The following NRG3 variants were observed in gnomAD, a reference collection of about 807,000 sequenced individuals.
NRG3 encodes neuregulin 3.
In NRG3, 31 loss-of-function variants were observed where a neutral mutation model predicts 66.9. The observed-to-expected ratio is 0.46, with a 90% CI of 0.35 to 0.63. NRG3 has a LOEUF of 0.63. Ranked by LOEUF, NRG3 falls within the 20% of genes least tolerant of loss-of-function variation. The pLI is 0.00. For missense variants in NRG3, 910 were observed against 878.9 expected (o/e 1.04, Z -0.45); for synonymous variants, 393 against 359.4 (o/e 1.09, Z -1.06).
intron 2 of NRG3, among the ~76,000 whole-genome samples, chr10:82,585,205 C>T (rs1180107889): frequency 1.3e-5 from 2 of 151,592 alleles, no homozygotes; most frequent in African/African-American, 4.8e-5. Context: ...TCCAAATAAG[C>T]CTTTCTAATT....
chr10:82,548,521 TCTCACACACACACA>T (rs1376807773), intron 2 of NRG3, among the ~76,000 whole-genome samples: 1 of 108,398 alleles, frequency 9.2e-6, no homozygotes, highest in Non-Finnish European at 1.8e-5. Flanking sequence ...ACATTCTGTC[TCTCACACACACACA>T]CACACACACA....
chr10:82,011,821 T>A (rs968127714), intron 1 of NRG3, among the ~76,000 whole-genome samples: 4 of 152,318 alleles, frequency 2.6e-5, no homozygotes, highest in Admixed American at 1.3e-4. Flanking sequence ...TGCCGTGGTC[T>A]TGGGCGTCTC....
chr10:82,447,962 C>A (rs564607870), intron 2 of NRG3, among the ~76,000 whole-genome samples: 1 of 152,224 alleles, frequency 6.6e-6, no homozygotes, highest in South Asian at 2.1e-4. Flanking sequence ...TTCCGTTACG[C>A]CTTTTAAATG....
At chr10:82,518,344 A>T (rs980585594) in intron 2 of NRG3, among the ~76,000 whole-genome samples, 1 of 152,182 alleles carries the variant, frequency 6.6e-6, no homozygotes, top group Non-Finnish European at 1.5e-5. Context: ...GTTAAAATAC[A>T]TTCATCTACC....
At chr10:82,200,857 A>G (rs1349730286) in intron 1 of NRG3, among the ~76,000 whole-genome samples, 1 of 152,064 alleles carries the variant, frequency 6.6e-6, no homozygotes, top group South Asian at 2.1e-4. Flanking sequence ...AAAAAGGCAC[A>G]CCAACTTCAC....
intron 2 of NRG3, among the ~76,000 whole-genome samples, chr10:82,618,151 C>T (rs182123888): frequency 2.4e-4 from 37 of 152,262 alleles, no homozygotes; most frequent in Non-Finnish European, 3.4e-4. Context: ...AGTTTTATTA[C>T]GAGACTGAAA....
At chr10:82,703,635 T>C (rs1354517374) in intron 2 of NRG3, among the ~76,000 whole-genome samples, 1 of 152,172 alleles carries the variant, frequency 6.6e-6, no homozygotes, top group Non-Finnish European at 1.5e-5. Flanking sequence ...TAGAGGGTTT[T>C]ATTGTTAATT....
chr10:81,937,193 T>C (rs1394182545), intron 1 of NRG3, among the ~76,000 whole-genome samples: 1 of 152,186 alleles, frequency 6.6e-6, no homozygotes, highest in Non-Finnish European at 1.5e-5. Flanking sequence ...GACATTTAGG[T>C]TGCTTCCACC....
At chr10:82,616,881 A>G (rs1390910038) in intron 2 of NRG3, among the ~76,000 whole-genome samples, 3 of 152,148 alleles carry the variant, frequency 2.0e-5, no homozygotes, top group African/African-American at 2.4e-5. Context: ...TAAATAGATC[A>G]TTTTTCTCAA....
intron 1 of NRG3, among the ~76,000 whole-genome samples, chr10:81,961,564 G>C (rs908069758): frequency 2.0e-5 from 3 of 152,140 alleles, no homozygotes; most frequent in African/African-American, 7.2e-5. Context: ...TTCATTTCTA[G>C]AATCATACAG....
intron 1 of NRG3, among the ~76,000 whole-genome samples, chr10:81,952,247 TAA>T (rs1849434922): frequency 6.6e-6 from 1 of 152,232 alleles, no homozygotes; most frequent in East Asian, 1.9e-4. Context: ...ATAATAATAA[TAA>T]AGAGTCATGC....
At chr10:82,177,269 G>A (rs1215591042) in intron 1 of NRG3, among the ~76,000 whole-genome samples, 1 of 151,754 alleles carries the variant, frequency 6.6e-6, no homozygotes, top group East Asian at 1.9e-4. Context: ...TTAATCTAAG[G>A]AGAAACTAAA....
chr10:82,811,506 A>G (rs1476335508), intron 3 of NRG3, among the ~76,000 whole-genome samples: 1 of 152,182 alleles, frequency 6.6e-6, no homozygotes, highest in Non-Finnish European at 1.5e-5. Context: ...GCTTAGAGCT[A>G]CCTTCCTATT....
chr10:82,114,197 C>A (rs1014310417), intron 1 of NRG3, among the ~76,000 whole-genome samples: 5 of 151,942 alleles, frequency 3.3e-5, no homozygotes, highest in Non-Finnish European at 7.4e-5. Flanking sequence ...ATAGATATAC[C>A]CCATTTTGTT....
At chr10:82,851,652 A>G (rs539065421) in intron 3 of NRG3, among the ~76,000 whole-genome samples, 4 of 152,270 alleles carry the variant, frequency 2.6e-5, no homozygotes, top group African/African-American at 9.6e-5. Context: ...CCCTAAGGCA[A>G]TGGAAGAAGA....
intron 3 of NRG3, among the ~76,000 whole-genome samples, chr10:82,777,385 T>C (rs959286028): frequency 2.0e-5 from 3 of 152,116 alleles, no homozygotes; most frequent in Admixed American, 2.0e-4. Flanking sequence ...GCAGCCATAG[T>C]GGTGCTGTAC....
chr10:82,647,615 C>T (rs2051047127), intron 2 of NRG3, among the ~76,000 whole-genome samples: 1 of 151,414 alleles, frequency 6.6e-6, no homozygotes, highest in Non-Finnish European at 1.5e-5. Context: ...GTTTACAGTC[C>T]CACCAACAGT....
intron 2 of NRG3, among the ~76,000 whole-genome samples, chr10:82,471,160 A>G (rs1937973): frequency 0.97 from 147,594 of 152,194 alleles, 71,609 homozygotes; most frequent in East Asian, 1. Flanking sequence ...GCTTTATTGG[A>G]TGAAAAGGGG....
In NRG3 at chr10:82,629,290, A is replaced by G. The variant is rs146162323; in HGVS notation, c.954-109287A>G. ...AGTCCATTAAGGGATTCAAATACCT[A>G]TAATGACTTAAATAAGTTTCTTTAG... is the stretch of plus-strand genomic sequence containing the variant. On this transcript the variant is annotated intron_variant, in intron 2 of 8. Coordinates refer to ENST00000372141, the MANE Select transcript of NRG3 (RefSeq NM_001010848.4). Among the ~76,000 whole-genome samples the G allele has an allele frequency of 2.7e-3, 410 of 152,362 alleles. 1 individual carries two copies. The highest frequency in any genetic ancestry group is 9.5e-3 in the African/African-American group (397 of 41,578).
Sources: allele counts gnomAD v4.1 joint callset (sites outside exome capture counted in the v4.1 genomes callset), GRCh38; gene constraint gnomAD v4.1.1; transcripts MANE v1.5; gene names NCBI Gene and HGNC (gene_info 2026-07-23, HGNC 2026-07-21).